PTPRR: variants seen among roughly 807,000 people sequenced by gnomAD.
PTPRR encodes the protein receptor-type tyrosine-protein phosphatase R.
In PTPRR, 38 loss-of-function variants were observed where a neutral mutation model predicts 77.2. The observed-to-expected ratio is 0.49, with a 90% CI of 0.38 to 0.65. PTPRR has a LOEUF of 0.65. PTPRR is among the 30% of genes least tolerant of loss of function. The pLI is 0.00. For missense variants in PTPRR, 744 were observed against 799.2 expected (o/e 0.93, Z 0.83); for synonymous variants, 299 against 283.1 (o/e 1.06, Z -0.57).
At chr12:70,794,831 G>A (rs981770853) in intron 2 of PTPRR, among the ~76,000 whole-genome samples, 3 of 152,156 alleles carry the variant, frequency 2.0e-5, no homozygotes, top group Non-Finnish European at 2.9e-5. Flanking sequence ...AACAACTATG[G>A]CAATTTCCTA....
intron 2 of PTPRR, among the ~76,000 whole-genome samples, chr12:70,783,457 C>T (rs984149810): frequency 2.6e-5 from 4 of 152,026 alleles, no homozygotes; most frequent in African/African-American, 7.2e-5. Context: ...ATCATTCTGT[C>T]CTCCTACTTT....
chr12:70,806,705 A>G (rs1230725124), intron 2 of PTPRR, among the ~76,000 whole-genome samples: 1 of 152,036 alleles, frequency 6.6e-6, no homozygotes, highest in Non-Finnish European at 1.5e-5. Flanking sequence ...TTGCCTTTCC[A>G]TTGTTTATTC....
At chr12:70,645,275 C>T (rs1335358849) in intron 13 of PTPRR, among the ~76,000 whole-genome samples, 1 of 152,148 alleles carries the variant, frequency 6.6e-6, no homozygotes, top group Non-Finnish European at 1.5e-5. Flanking sequence ...AACCACTGGC[C>T]TGGCTAATAA....
At position 70,641,226 on chromosome 12, in the gene PTPRR, A is replaced by G. The variant is rs1478085701; in HGVS notation, c.1881-1949T>C. Among the ~76,000 whole-genome samples, 6 of 152,348 alleles carry G rather than the reference A, an allele frequency of 3.9e-5. No individual in the cohort carries two copies. In the East Asian group the frequency reaches 1.2e-3, roughly 29 times the overall value. Reference sequence around the variant, plus strand: ...GTGCCTCCCTTCCTCTGGCATTTGCACAGCTCAGGGCACCATTACTCCCTC... The same window carrying G: ...GTGCCTCCCTTCCTCTGGCATTTGCGCAGCTCAGGGCACCATTACTCCCTC... On this transcript the variant is annotated intron_variant, in intron 13 of 13. Transcript: ENST00000283228.
At chr12:70,886,718 A>C (rs1893246038) in intron 2 of PTPRR, among the ~76,000 whole-genome samples, 1 of 152,238 alleles carries the variant, frequency 6.6e-6, no homozygotes, top group Non-Finnish European at 1.5e-5. Flanking sequence ...TTGCATATTC[A>C]ATCATATTTT....
At chr12:70,709,834 C>T (rs1312115476) in intron 6 of PTPRR, among the ~76,000 whole-genome samples, 1 of 151,922 alleles carries the variant, frequency 6.6e-6, no homozygotes, top group East Asian at 1.9e-4. Flanking sequence ...TCAAGTAAAT[C>T]AGAGATGATA....
chr12:70,867,469 C>G (rs1355461572), intron 2 of PTPRR, among the ~76,000 whole-genome samples: 1 of 151,936 alleles, frequency 6.6e-6, no homozygotes, highest in Non-Finnish European at 1.5e-5. Context: ...CCTAGGAATC[C>G]AACTTACAAG....
chr12:70,704,258 CA>C (rs1348004453), intron 6 of PTPRR, among the ~76,000 whole-genome samples: 7 of 151,722 alleles, frequency 4.6e-5, no homozygotes, highest in African/African-American at 1.7e-4. Flanking sequence ...CCTGTCTCTA[CA>C]AAAAATAAAA....
intron 2 of PTPRR, among the ~76,000 whole-genome samples, chr12:70,815,136 A>AG (rs1891879836): frequency 7.5e-6 from 1 of 133,410 alleles, no homozygotes; most frequent in Non-Finnish European, 1.6e-5. Flanking sequence ...AAGATATCAA[A>AG]AAAAAAAAAA....
chr12:70,761,092 G>C (rs1426464637), intron 4 of PTPRR, among the ~76,000 whole-genome samples: 1 of 152,044 alleles, frequency 6.6e-6, no homozygotes, highest in Non-Finnish European at 1.5e-5. Context: ...AATGAGGGGA[G>C]GGGTGCACCT....
At chr12:70,894,516 G>A (rs557016479) in intron 1 of PTPRR, among the ~76,000 whole-genome samples, 1 of 151,636 alleles carries the variant, frequency 6.6e-6, no homozygotes, top group Non-Finnish European at 1.5e-5. Flanking sequence ...ATATCAGATA[G>A]TTTTTCAGAG....
chr12:70,741,541 G>A (rs950960301), intron 6 of PTPRR, among the ~76,000 whole-genome samples: 3 of 152,060 alleles, frequency 2.0e-5, no homozygotes, highest in African/African-American at 7.2e-5. Context: ...GTTTTTTGGT[G>A]TTTTATTGCA....
At position 70,814,427 on chromosome 12, in the gene PTPRR, C is replaced by T. The variant is rs77777321; in HGVS notation, c.358-49649G>A. On this transcript the variant is annotated intron_variant, in intron 2 of 13. Transcript: ENST00000283228. ...CTCTCCTCCCAGAGAGCCTGGCTGT[C>T]TTAACAGGGAAGACAAGCATCTAAA... 7.1e-3 allele frequency among the ~76,000 whole-genome samples: 1,078 copies of T among 152,300 alleles called. 14 individuals carry two copies. The highest frequency in any genetic ancestry group is 0.025 in the African/African-American group (1,033 of 41,574).
intron 1 of PTPRR, among the ~76,000 whole-genome samples, chr12:70,913,124 T>A (rs930761814): frequency 3.3e-5 from 5 of 152,164 alleles, no homozygotes; most frequent in African/African-American, 1.2e-4. Context: ...TGATTTGTGA[T>A]CTGATCATCT....
intron 4 of PTPRR, among the ~76,000 whole-genome samples, chr12:70,758,947 G>GTTA (rs1452832099): frequency 6.6e-6 from 1 of 151,786 alleles, no homozygotes; most frequent in African/African-American, 2.4e-5. Context: ...TGTTGTTGTT[G>GTTA]TTGTTGTCTG....
In PTPRR at chr12:70,770,921, G is replaced by A. The variant is rs971430429; in HGVS notation, c.358-6143C>T. On this transcript the variant is annotated intron_variant, in intron 2 of 13. Coordinates refer to ENST00000283228, the MANE Select transcript of PTPRR (RefSeq NM_002849.4). ...TCACAAGAACAAAAAACCAAACACC[G>A]CATATTCTCACTCATAGGTGGGAAT... 2.7e-3 allele frequency among the ~76,000 whole-genome samples: 401 copies of A among 145,828 alleles called. 2 individuals are homozygous for A. Among genetic ancestry groups the A allele is most frequent in the African/African-American group, 9.9e-3 (392 of 39,502 alleles).
chr12:70,846,775 T>C (rs1454781802), intron 2 of PTPRR, among the ~76,000 whole-genome samples: 2 of 152,138 alleles, frequency 1.3e-5, no homozygotes, highest in Admixed American at 6.6e-5. Flanking sequence ...CTTCACAGCC[T>C]CTAGAAATCT....
chr12:70,656,787 A>G lies in PTPRR; in HGVS notation c.1797T>C (p.Ile599=), dbSNP rs868682375. The change falls in exon 13 of 14, where the codon ATT becomes ATC. Residue 599 remains isoleucine (I), a synonymous_variant. Coordinates refer to ENST00000283228, the MANE Select transcript of PTPRR (RefSeq NM_002849.4). ...SAGIGRTGCF[I]ATSIGCQQLK... ...GCTGTTGACAGCCAATGGATGTAGC[A>G]ATAAAACACCCTGTTCTACCTATTC... The G allele has an allele frequency of 1.9e-6, 3 of 1,613,552 alleles. No homozygotes were observed. The highest frequency in any genetic ancestry group is 2.7e-5 in the African/African-American group (2 of 74,928).
intron 13 of PTPRR, among the ~76,000 whole-genome samples, chr12:70,650,099 T>A (rs1810478377): frequency 6.6e-6 from 1 of 152,234 alleles, no homozygotes; most frequent in South Asian, 2.1e-4. Context: ...TTAGATTTTT[T>A]AATGCATTAA....
Sources: gnomAD v4.1 joint callset for allele counts (sites outside exome capture counted in the v4.1 genomes callset) on GRCh38, gnomAD v4.1.1 for gene constraint, MANE v1.5 for transcripts, NCBI Gene and HGNC (gene_info 2026-07-23, HGNC 2026-07-21) for gene names.